RPTOR: variants seen among roughly 807,000 people sequenced by gnomAD.
RPTOR encodes the protein regulatory-associated protein of mTOR.
Under a neutral mutation model 169.9 loss-of-function variants are expected in RPTOR, and 21 were observed. The ratio of observed to expected loss-of-function variants is 0.12; its 90% CI spans 0.09 to 0.18. The LOEUF (loss-of-function observed/expected upper bound fraction) is 0.18. Among genes scored for constraint, RPTOR ranks in the 10% least tolerant of loss-of-function variants. RPTOR has a pLI of 1.00. For synonymous variants in RPTOR, 732 were observed against 753.2 expected (o/e 0.97, Z 0.46); for missense variants, 1,133 against 1,855.9 (o/e 0.61, Z 7.16).
intron 2 of RPTOR, among the ~76,000 whole-genome samples, chr17:80,629,161 GTGTCTC>G (rs1425433962): frequency 3.3e-5 from 5 of 151,318 alleles, no homozygotes; most frequent in African/African-American, 1.2e-4. Flanking sequence ...GCTCTTCCGT[GTGTCTC>G]TGTCTTCTGG....
At chr17:80,950,272 C>T (rs72861358) in intron 28 of RPTOR, among the ~76,000 whole-genome samples, 1,588 of 152,374 alleles carry the variant, frequency 0.01, 12 homozygotes, top group Middle Eastern at 0.017. Flanking sequence ...CAGCCCCCCT[C>T]TGCCGGCTCC....
intron 4 of RPTOR, among the ~76,000 whole-genome samples, chr17:80,717,816 G>C (rs370448684): frequency 6.6e-6 from 1 of 152,128 alleles, no homozygotes; most frequent in East Asian, 1.9e-4. Flanking sequence ...AGCAAAATCC[G>C]GGCTCAGATT....
At chr17:80,893,296 C>T (rs2068350983) in intron 19 of RPTOR, among the ~76,000 whole-genome samples, 3 of 139,188 alleles carry the variant, frequency 2.2e-5, no homozygotes, top group Middle Eastern at 3.8e-3. Context: ...GTGTGTGCGC[C>T]GGGTGTGTGT....
chr17:80,923,615 C>T lies in RPTOR; in HGVS notation c.2750C>T (p.Thr917Ile), dbSNP rs2143981547. 6.2e-7 allele frequency: 1 copy of T among 1,612,290 alleles called. No homozygotes were observed. Among genetic ancestry groups the T allele is most frequent in the Non-Finnish European group, 8.5e-7 (1 of 1,179,242 alleles). The part of the protein sequence containing the change: ...GTTGPAGAQY[T>I]PHSHQFPRTR... ...ACAGGCCCCGCTGGGGCGCAGTACA[C>T]CCCTCACTCCCACCAGTTCCCCCGG... is the stretch of plus-strand genomic sequence containing the variant. The change falls in exon 23 of 34, where the codon ACC (threonine) becomes ATC (isoleucine). Residue 917 changes from threonine to isoleucine, a missense_variant. Around this residue, in one of 9 missense-constraint regions of RPTOR, gnomAD observed 410 missense variants for 623.7 expected, o/e 0.66. Transcript: ENST00000306801.
At chr17:80,638,560 C>G (rs938999873) in intron 2 of RPTOR, among the ~76,000 whole-genome samples, 2 of 151,768 alleles carry the variant, frequency 1.3e-5, no homozygotes, top group African/African-American at 4.8e-5. Context: ...CACCAACACG[C>G]TGATTAATTA....
intron 23 of RPTOR, 165 bp downstream of exon 23, chr17:80,923,838 G>A: frequency 1.4e-6 from 1 of 739,314 alleles, no homozygotes; most frequent in African/African-American, 1.8e-5. Context: ...AGACCCGGGT[G>A]CTGGTCCTCA....
chr17:80,804,953 G>A (rs1217256603), intron 7 of RPTOR: 1 of 152,384 alleles, frequency 6.6e-6, no homozygotes, highest in Non-Finnish European at 1.5e-5. Flanking sequence ...CCCAGTGGTA[G>A]GAGGAGTGCT....
In RPTOR at chr17:80,730,779, G is replaced by GGGGGCC; in HGVS notation, c.654+73_654+74insGGGGCC. 4 of 628,128 alleles carry GGGGGCC rather than the reference G, an allele frequency of 6.4e-6. No homozygotes were observed. Among genetic ancestry groups the GGGGGCC allele is most frequent in the Non-Finnish European group, 8.5e-6 (3 of 353,498 alleles). The allele number at this position is 628,128 out of a possible 1,614,324, so 38.9% of individuals were successfully genotyped here. Reference sequence around the variant, plus strand: ...TCCCTGGGGGTGGGGTTTGGGTGGGGAGGTTGGGAGGTGTTGGACATCCTC... The same window carrying GGGGGCC: ...TCCCTGGGGGTGGGGTTTGGGTGGGGGGGGCCAGGTTGGGAGGTGTTGGACATCCTC... On this transcript the variant is annotated intron_variant, in intron 5 of 33. Transcript: ENST00000306801. This position sits in a 1 kb window ranked among gnomAD's most constrained non-coding sequence, Gnocchi z 4.2.
At chr17:80,833,671 A>C (rs1215465890) in intron 9 of RPTOR, among the ~76,000 whole-genome samples, 4 of 152,216 alleles carry the variant, frequency 2.6e-5, no homozygotes, top group Admixed American at 2.6e-4. Context: ...TTCATTAGAG[A>C]ATACCGTTGT....
chr17:80,881,301 T>A (rs1053296426), intron 14 of RPTOR, among the ~76,000 whole-genome samples: 1 of 152,234 alleles, frequency 6.6e-6, no homozygotes, highest in Admixed American at 6.5e-5. Context: ...GTGCACTTTG[T>A]GTTGTATTGA....
intron 1 of RPTOR, among the ~76,000 whole-genome samples, chr17:80,588,858 C>T (rs1464748544): frequency 6.6e-6 from 1 of 152,154 alleles, no homozygotes; most frequent in African/African-American, 2.4e-5. Flanking sequence ...CTCTGTGATG[C>T]AATATTTCAG....
intron 1 of RPTOR, among the ~76,000 whole-genome samples, chr17:80,596,283 C>T (rs1235849734): frequency 6.6e-6 from 1 of 152,144 alleles, no homozygotes; most frequent in Non-Finnish European, 1.5e-5. Context: ...TGTTAGAAAC[C>T]TAAGTCAGAG....
chr17:80,963,914 T>C (rs1437971537), intron 33 of RPTOR, among the ~76,000 whole-genome samples: 2 of 152,108 alleles, frequency 1.3e-5, no homozygotes, highest in Non-Finnish European at 2.9e-5. Flanking sequence ...TTCAGGCCGT[T>C]GTTTTTAGAT....
In RPTOR at chr17:80,774,141, G is replaced by A. The variant is rs185339165; in HGVS notation, c.831-17309G>A. ...TCTCCTGTTGGTGTGACTCGAGGGC[G>A]CTGTGACATCCTGAGAAAGCGGGGA... On this transcript the variant is annotated intron_variant, in intron 6 of 33. Coordinates refer to ENST00000306801, the MANE Select transcript of RPTOR (RefSeq NM_020761.3). 4.4e-5 allele frequency: 43 copies of A among 985,370 alleles called. No individual in the cohort carries two copies. The African/African-American group carries it at 6.6e-4, about 15-fold the overall frequency. The allele number at this position is 985,370 out of a possible 1,614,324, so 61.0% of individuals were successfully genotyped here.
intron 20 of RPTOR, among the ~76,000 whole-genome samples, chr17:80,899,214 A>G (rs7217623): frequency 0.83 from 126,408 of 152,228 alleles, 52,814 homozygotes; most frequent in African/African-American, 0.92. Flanking sequence ...AGTATAAATC[A>G]AGGTATTGCC....
rs1367492895 is a variant in RPTOR at position 80,782,012 on chromosome 17, C to T, written c.831-9438C>T. On this transcript the variant is annotated intron_variant, in intron 6 of 33. Transcript: ENST00000306801. ...AGCCACCTCGGTTTTGTCCCTGTCA[C>T]GGGGATTGACTGATTCTTAAATGAT... Among the ~76,000 whole-genome samples the T allele has an allele frequency of 3.9e-5, 6 of 152,344 alleles. No homozygotes were observed. In the East Asian group the frequency reaches 7.7e-4, roughly 20 times the overall value.
intron 13 of RPTOR, among the ~76,000 whole-genome samples, chr17:80,872,223 AG>A (rs2068059536): frequency 1.3e-5 from 2 of 152,178 alleles, no homozygotes; most frequent in South Asian, 4.1e-4. Flanking sequence ...ATCAGCGAGG[AG>A]GTGCCGTTGA....
chr17:80,954,801 C>T (rs1202511748), intron 28 of RPTOR, among the ~76,000 whole-genome samples: 2 of 152,062 alleles, frequency 1.3e-5, no homozygotes, highest in Non-Finnish European at 2.9e-5. Context: ...CCTGTAATCC[C>T]AGTTACTCAG....
chr17:80,857,390 G>A (rs1297892562), intron 12 of RPTOR, among the ~76,000 whole-genome samples: 3 of 151,362 alleles, frequency 2.0e-5, no homozygotes, highest in Non-Finnish European at 3.0e-5. Context: ...ATGCCGTCAC[G>A]GAGAGGTGGC....
Sources: allele counts gnomAD v4.1 joint callset (sites outside exome capture counted in the v4.1 genomes callset), GRCh38; gene constraint gnomAD v4.1.1; regional missense constraint gnomAD v4.1.1; non-coding constraint Gnocchi (gnomAD v3.1); transcripts MANE v1.5; gene names NCBI Gene and HGNC (gene_info 2026-07-23, HGNC 2026-07-21).